MTA3: variants seen among roughly 807,000 people sequenced by gnomAD.
MTA3 encodes the protein metastasis associated 1 family member 3.
MTA3 carries 34 observed loss-of-function variants against 83.5 expected under a neutral mutation model. The ratio of observed to expected loss-of-function variants is 0.41; its 90% CI spans 0.31 to 0.54. The LOEUF (loss-of-function observed/expected upper bound fraction) is 0.54, where lower values mean the gene tolerates loss of function less well. Ranked by LOEUF, MTA3 falls within the 20% of genes least tolerant of loss-of-function variation. The probability of loss-of-function intolerance (pLI) is 0.33; values close to 1 mark genes in which losing one functional copy is unlikely to be tolerated. For synonymous variants in MTA3, 303 were observed against 252.7 expected (o/e 1.20, Z -1.89); for missense variants, 761 against 726.4 (o/e 1.05, Z -0.55).
intron 16 of MTA3, among the ~76,000 whole-genome samples, chr2:42,747,508 G>T (rs148920959): frequency 9.9e-5 from 15 of 151,954 alleles, no homozygotes; most frequent in Middle Eastern, 3.2e-3. Context: ...CAGGTGAAAG[G>T]GGGGCAGGAG....
intron 14 of MTA3, among the ~76,000 whole-genome samples, chr2:42,716,390 T>A (rs1667033299): frequency 2.0e-5 from 3 of 152,202 alleles, no homozygotes; most frequent in Admixed American, 2.0e-4. Context: ...GGTAAACTTG[T>A]GTCAAGGGGG....
chr2:42,624,062 A>G (rs2104211693), intron 4 of MTA3, among the ~76,000 whole-genome samples: 1 of 152,260 alleles, frequency 6.6e-6, no homozygotes, highest in African/African-American at 2.4e-5. Context: ...GGGAGGAACA[A>G]ACGCAAGAGA....
intron 2 of MTA3, among the ~76,000 whole-genome samples, chr2:42,548,829 A>AAT (rs71327611): frequency 1.2e-4 from 1 of 8,584 alleles, no homozygotes; most frequent in Non-Finnish European, 2.8e-4. Context: ...ATATATATAT[A>AAT]ATATATATAT....
rs1227219964 is a variant in MTA3, at chr2:42,524,294, CATT to C, written c.-141+29050_-141+29052del. 2.0e-5 allele frequency among the ~76,000 whole-genome samples: 3 copies of C among 151,394 alleles called. 1 individual carries two copies. The East Asian group carries it at 5.8e-4, about 29-fold the overall frequency. ...TATGTTCAGCTTCAATGGTTGCAAC[CATT>C]ATTATTATTTTTTTTTTTTTTTAAA... On this transcript the variant is annotated intron_variant, in intron 2 of 17. Transcript: ENST00000405592.
intron 2 of MTA3, among the ~76,000 whole-genome samples, chr2:42,508,404 T>C (rs116150687): frequency 0.012 from 1,786 of 152,206 alleles, 15 homozygotes; most frequent in South Asian, 0.029. Flanking sequence ...CCATCTCCAC[T>C]CATTGCAGCC....
At chr2:42,739,298 G>T (rs1573816871) in intron 16 of MTA3, among the ~76,000 whole-genome samples, 1 of 152,158 alleles carries the variant, frequency 6.6e-6, no homozygotes, top group African/African-American at 2.4e-5. Context: ...GATTATCGGG[G>T]CAGGTCCCCC....
chr2:42,707,755 A>G, intron 12 of MTA3, 148 bp from the exon 13 acceptor site: 3 of 836,362 alleles, frequency 3.6e-6, no homozygotes, highest in Non-Finnish European at 5.2e-6. Context: ...TAAAAAAACA[A>G]ATATACTATT....
At chr2:42,631,560 G>T (rs2104257063) in intron 4 of MTA3, among the ~76,000 whole-genome samples, 1 of 152,150 alleles carries the variant, frequency 6.6e-6, no homozygotes, top group East Asian at 1.9e-4. Context: ...TGTGGTACAA[G>T]ATATATTTTG....
At chr2:42,603,107 CTTTTTT>C (rs11352685) in intron 3 of MTA3, among the ~76,000 whole-genome samples, 3 of 128,268 alleles carry the variant, frequency 2.3e-5, no homozygotes, top group Admixed American at 8.0e-5. Context: ...AATAAATTTA[CTTTTTT>C]TTTTTTTTTT....
At chr2:42,535,426 T>G (rs977082700) in intron 2 of MTA3, among the ~76,000 whole-genome samples, 1 of 152,002 alleles carries the variant, frequency 6.6e-6, no homozygotes, top group African/African-American at 2.4e-5. Context: ...AAAAATTTTT[T>G]TGTGTGTGGA....
intron 14 of MTA3, among the ~76,000 whole-genome samples, chr2:42,713,475 A>G (rs935026084): frequency 2.0e-5 from 3 of 152,098 alleles, no homozygotes; most frequent in African/African-American, 7.2e-5. Flanking sequence ...TTGTGGTATA[A>G]GCCGAGGGAG....
At chr2:42,521,931 T>G (rs1675447124) in intron 2 of MTA3, among the ~76,000 whole-genome samples, 2 of 151,946 alleles carry the variant, frequency 1.3e-5, no homozygotes, top group Admixed American at 6.6e-5. Context: ...ATTTTTGTAT[T>G]TTTGTAGAGA....
At chr2:42,524,559 C>T (rs1183128461) in intron 2 of MTA3, among the ~76,000 whole-genome samples, 10 of 146,686 alleles carry the variant, frequency 6.8e-5, no homozygotes, top group African/African-American at 1.3e-4. Context: ...CTCCTGACCT[C>T]GTGATCTGCC....
chr2:42,756,336 C>G lies in MTA3; in HGVS notation c.*2937C>G, dbSNP rs1014088973. On this transcript the variant is annotated 3_prime_UTR_variant, in exon 17 of 17. Coordinates refer to ENST00000405094, the MANE Select transcript of MTA3 (RefSeq NM_001330442.2). ...CCCCAGCCTCTCCCCTCCTCTTGGC[C>G]TCCAGAGTCCTGCAGGTGCCTCACA... 4.3e-6 allele frequency: 2 copies of G among 469,146 alleles called. No individual in the cohort carries two copies. Among genetic ancestry groups the G allele is most frequent in the African/African-American group, 4.2e-5 (2 of 47,308 alleles). The allele number at this position is 469,146 out of a possible 1,614,324, so 29.1% of individuals were successfully genotyped here.
intron 2 of MTA3, among the ~76,000 whole-genome samples, chr2:42,510,783 G>A (rs955478671): frequency 6.6e-6 from 1 of 152,178 alleles, no homozygotes; most frequent in African/African-American, 2.4e-5. Context: ...CAGGAAGGAA[G>A]TGGGAGAGCC....
At chr2:42,539,257 A>G (rs1676412375) in intron 2 of MTA3, among the ~76,000 whole-genome samples, 1 of 152,150 alleles carries the variant, frequency 6.6e-6, no homozygotes, top group Admixed American at 6.6e-5. Flanking sequence ...TTTATAAAGG[A>G]AAGAGGTTTA....
At chr2:42,506,856 C>A (rs1251919340) in intron 2 of MTA3, among the ~76,000 whole-genome samples, 1 of 152,066 alleles carries the variant, frequency 6.6e-6, no homozygotes, top group East Asian at 1.9e-4. Flanking sequence ...ATCCGGCCGT[C>A]TTGGCCTCCC....
intron 2 of MTA3, among the ~76,000 whole-genome samples, chr2:42,520,373 C>G (rs1358143598): frequency 6.6e-6 from 1 of 152,148 alleles, no homozygotes; most frequent in African/African-American, 2.4e-5. Context: ...CTCTTTATTT[C>G]CTGTCTTGTT....
chr2:42,634,058 A>G (rs986266387), intron 4 of MTA3, among the ~76,000 whole-genome samples: 1 of 152,134 alleles, frequency 6.6e-6, no homozygotes, highest in Non-Finnish European at 1.5e-5. Flanking sequence ...GGCTCTAACA[A>G]ATGGATGAGG....
Sources: allele counts gnomAD v4.1 joint callset (sites outside exome capture counted in the v4.1 genomes callset), GRCh38; gene constraint gnomAD v4.1.1; transcripts MANE v1.5; gene names NCBI Gene and HGNC (gene_info 2026-07-23, HGNC 2026-07-21).